SH3BP5: variants seen among roughly 807,000 people sequenced by gnomAD.
SH3BP5 encodes SH3 domain binding protein 5.
Under a neutral mutation model 43.3 loss-of-function variants are expected in SH3BP5, and 22 were observed. The ratio of observed to expected loss-of-function variants is 0.51; its 90% CI spans 0.36 to 0.73. The LOEUF is 0.73. Among genes scored for constraint, SH3BP5 ranks in the 30% least tolerant of loss-of-function variants. The pLI, the probability that SH3BP5 is intolerant of heterozygous loss-of-function variation, is 0.00. For missense variants in SH3BP5, 529 were observed against 586.9 expected (o/e 0.90, Z 1.02); for synonymous variants, 255 against 225.8 (o/e 1.13, Z -1.16).
Position 15,262,090 on chromosome 3 carries a change from T to C in SH3BP5, c.626+69A>G, listed in dbSNP as rs1030692023. On this transcript the variant is annotated intron_variant, in intron 5 of 8. Coordinates refer to ENST00000383791, the MANE Select transcript of SH3BP5 (RefSeq NM_004844.5). ...CAGGGTGGTCCTTGAGTGTGTGACATACAAAAGGCTGAGAAGATGCAGACT... is the reference window on the plus strand; with the variant it reads ...CAGGGTGGTCCTTGAGTGTGTGACACACAAAAGGCTGAGAAGATGCAGACT... 4 of 1,584,762 alleles carry C rather than the reference T, an allele frequency of 2.5e-6. No homozygotes were observed. The East Asian group carries it at 6.8e-5, about 27-fold the overall frequency.
intron 2 of SH3BP5, among the ~76,000 whole-genome samples, chr3:15,304,835 C>A (rs572275718): frequency 7.5e-5 from 10 of 132,680 alleles, no homozygotes; most frequent in Non-Finnish European, 1.3e-4. Context: ...AAAAAAAAAG[C>A]TTAGTAAGCA....
At chr3:15,303,161 C>T (rs1318192672) in intron 3 of SH3BP5, among the ~76,000 whole-genome samples, 1 of 152,172 alleles carries the variant, frequency 6.6e-6, no homozygotes, top group Non-Finnish European at 1.5e-5. Context: ...GCAGCATCTT[C>T]CATCATGTCA....
chr3:15,291,928 G>A (rs1484455568), intron 3 of SH3BP5, among the ~76,000 whole-genome samples: 2 of 152,166 alleles, frequency 1.3e-5, no homozygotes, highest in Non-Finnish European at 2.9e-5. Flanking sequence ...GAAAAGAAAG[G>A]AAGGAAAGCA....
intron 3 of SH3BP5, among the ~76,000 whole-genome samples, chr3:15,298,279 A>G (rs996482886): frequency 6.6e-6 from 1 of 152,090 alleles, no homozygotes; most frequent in Non-Finnish European, 1.5e-5. Context: ...ACTCCATTTT[A>G]TGGATGAAAA....
chr3:15,331,090 T>G (rs1359141659), intron 1 of SH3BP5, among the ~76,000 whole-genome samples: 1 of 152,218 alleles, frequency 6.6e-6, no homozygotes, highest in East Asian at 1.9e-4. Flanking sequence ...TAAACTAGCT[T>G]TAATCCCATT....
intron 3 of SH3BP5, among the ~76,000 whole-genome samples, chr3:15,285,761 C>T (rs573592151): frequency 1.3e-5 from 2 of 152,354 alleles, no homozygotes; most frequent in East Asian, 3.9e-4. Flanking sequence ...TGGCTCTTCT[C>T]TTCCCACCTC....
At chr3:15,309,950 A>G (rs1575336806) in intron 2 of SH3BP5, among the ~76,000 whole-genome samples, 1 of 115,374 alleles carries the variant, frequency 8.7e-6, no homozygotes, top group South Asian at 2.7e-4. Flanking sequence ...TTTCCATTCC[A>G]CTGAGGATCA....
chr3:15,288,878 T>C (rs925041043), intron 3 of SH3BP5, among the ~76,000 whole-genome samples: 6 of 152,258 alleles, frequency 3.9e-5, no homozygotes, highest in Non-Finnish European at 7.3e-5. Context: ...TCTGTGACTT[T>C]ACAAAACACT....
At chr3:15,262,952 C>T (rs1172903696) in intron 4 of SH3BP5, among the ~76,000 whole-genome samples, 1 of 152,096 alleles carries the variant, frequency 6.6e-6, no homozygotes, top group Non-Finnish European at 1.5e-5. Flanking sequence ...AGCAAGACTC[C>T]ATCTCAAAAT....
intron 2 of SH3BP5, among the ~76,000 whole-genome samples, chr3:15,322,964 C>G (rs1448118220): frequency 6.6e-6 from 1 of 151,812 alleles, no homozygotes; most frequent in African/African-American, 2.4e-5. Context: ...CATGGCAAAA[C>G]CCGGTCTCTA....
At chr3:15,267,724 A>T (rs955734048) in intron 4 of SH3BP5, among the ~76,000 whole-genome samples, 1 of 152,210 alleles carries the variant, frequency 6.6e-6, no homozygotes, top group Non-Finnish European at 1.5e-5. Context: ...AGTCTGTGGT[A>T]TGAACGGTGC....
intron 4 of SH3BP5, among the ~76,000 whole-genome samples, chr3:15,268,863 T>C (rs1696717489): frequency 6.6e-6 from 1 of 152,128 alleles, no homozygotes; most frequent in Non-Finnish European, 1.5e-5. Context: ...TATAAGCTCA[T>C]GTACCCCTTC....
chr3:15,280,639 C>T (rs917594983), intron 3 of SH3BP5, among the ~76,000 whole-genome samples: 17 of 152,188 alleles, frequency 1.1e-4, no homozygotes, highest in African/African-American at 3.6e-4. Context: ...ATCACACTCT[C>T]GCACTCTCTC....
chr3:15,291,233 G>T (rs1403554675), intron 3 of SH3BP5, among the ~76,000 whole-genome samples: 3 of 152,126 alleles, frequency 2.0e-5, no homozygotes, highest in Non-Finnish European at 4.4e-5. Flanking sequence ...GTTCACTTGT[G>T]CCCACTCAAG....
chr3:15,323,219 C>T (rs1475542390), intron 2 of SH3BP5, among the ~76,000 whole-genome samples: 5 of 152,186 alleles, frequency 3.3e-5, no homozygotes, highest in Non-Finnish European at 7.3e-5. Context: ...CAGGCCACAG[C>T]GCAACGCCCT....
intron 3 of SH3BP5, among the ~76,000 whole-genome samples, chr3:15,294,539 T>G (rs1697515325): frequency 6.6e-6 from 1 of 152,066 alleles, no homozygotes; most frequent in Non-Finnish European, 1.5e-5. Flanking sequence ...TGTTACAGTC[T>G]CCCTTCACAT....
intron 5 of SH3BP5, among the ~76,000 whole-genome samples, chr3:15,261,455 C>T (rs1158430821): frequency 6.6e-6 from 1 of 152,174 alleles, no homozygotes; most frequent in African/African-American, 2.4e-5. Context: ...ACTGCCCAGC[C>T]CCTCCTGGCT....
intron 3 of SH3BP5, among the ~76,000 whole-genome samples, chr3:15,272,561 A>ACCT (rs1559432648): frequency 8.0e-6 from 1 of 125,580 alleles, no homozygotes; most frequent in African/African-American, 4.6e-5. Context: ...CCTGTAGGAT[A>ACCT]AAGACATTAC....
At chr3:15,336,232 G>A (rs148025069), upstream of SH3BP5, among the ~76,000 whole-genome samples, 13 of 152,340 alleles carry the variant, frequency 8.5e-5, no homozygotes, top group African/African-American at 2.4e-4. Flanking sequence ...GTCCTGAGGT[G>A]GGAATATGCC....
Sources: allele counts gnomAD v4.1 joint callset (sites outside exome capture counted in the v4.1 genomes callset), GRCh38; gene constraint gnomAD v4.1.1; transcripts MANE v1.5; gene names NCBI Gene and HGNC (gene_info 2026-07-23, HGNC 2026-07-21).